Variants in BFSP1 observed in about 807,000 individuals in gnomAD.
BFSP1 encodes beaded filament structural protein 1, also known as filensin.
Under a neutral mutation model 43.9 loss-of-function variants are expected in BFSP1, and 38 were observed. That is an observed-to-expected ratio of 0.87 (90% CI 0.67 to 1.14). The LOEUF (loss-of-function observed/expected upper bound fraction) is 1.14, where lower values mean the gene tolerates loss of function less well. Ranked by LOEUF, BFSP1 falls within the 50% of genes most tolerant of loss-of-function variation. BFSP1 has a pLI of 0.00. For missense variants in BFSP1, 850 were observed against 875.1 expected (o/e 0.97, Z 0.36); for synonymous variants, 352 against 354.8 (o/e 0.99, Z 0.09).
At chr20:17,500,544 A>G (rs2033771680) in intron 5 of BFSP1, among the ~76,000 whole-genome samples, 1 of 152,266 alleles carries the variant, frequency 6.6e-6, no homozygotes, top group South Asian at 2.1e-4. Flanking sequence ...AGCACATGCA[A>G]TTATGTACAA....
At chr20:17,514,948 G>T (rs2034166094) in intron 2 of BFSP1, 132 bp from the exon 3 acceptor site, 1 of 755,042 alleles carries the variant, frequency 1.3e-6, no homozygotes, top group East Asian at 2.7e-5. Flanking sequence ...GGTCTGGGAG[G>T]GGTCTGAGAT....
In BFSP1 at chr20:17,514,704, C is replaced by T. The variant is rs2034159704; in HGVS notation, c.534+17G>A. 1 of 1,612,426 alleles carries T rather than the reference C, an allele frequency of 6.2e-7. No homozygotes were observed. Among genetic ancestry groups the T allele is most frequent in the Non-Finnish European group, 8.5e-7 (1 of 1,178,644 alleles). On this transcript the variant is annotated intron_variant, in intron 3 of 7. Coordinates refer to ENST00000377873, the MANE Select transcript of BFSP1 (RefSeq NM_001195.5). ...ACTGGGTTTTCTAGAGGAAGGGCTT[C>T]AAGGGGTCATGATTACCTTCTTGTG...
At chr20:17,562,248 C>CCGGGG (rs2122129105), upstream of BFSP1, among the ~76,000 whole-genome samples, 1 of 146,260 alleles carries the variant, frequency 6.8e-6, no homozygotes, top group African/African-American at 2.5e-5. Context: ...GAATCCCAGG[C>CCGGGG]CGGGAGCGAT....
At chr20:17,516,138 G>A (rs2034194769) in intron 2 of BFSP1, among the ~76,000 whole-genome samples, 2 of 152,144 alleles carry the variant, frequency 1.3e-5, no homozygotes, top group Admixed American at 1.3e-4. Context: ...AGACCAGCCT[G>A]ACCAACATGG....
chr20:17,520,419 G>C (rs908099766), intron 2 of BFSP1, among the ~76,000 whole-genome samples: 1 of 152,148 alleles, frequency 6.6e-6, no homozygotes, highest in Admixed American at 6.6e-5. Flanking sequence ...CCTATTCACA[G>C]GGATCCCAGA....
chr20:17,544,175 C>A (rs1016298431), intron 1 of BFSP1, among the ~76,000 whole-genome samples: 35 of 152,130 alleles, frequency 2.3e-4, no homozygotes, highest in Non-Finnish European at 4.3e-4. Context: ...CCACCATCAC[C>A]ATGGGGGCAA....
chr20:17,539,590 A>G (rs1045784742), intron 1 of BFSP1, among the ~76,000 whole-genome samples: 1 of 151,862 alleles, frequency 6.6e-6, no homozygotes, highest in Non-Finnish European at 1.5e-5. Flanking sequence ...CTATATATAA[A>G]AAATAATAAT....
upstream of BFSP1, chr20:17,559,100 C>T (rs77226906): frequency 2.1e-4 from 37 of 176,078 alleles, no homozygotes; most frequent in African/African-American, 7.1e-4. Context: ...CTCATTTACA[C>T]GTAAGGATGT....
chr20:17,510,163 C>T lies in BFSP1; in HGVS notation c.628-1167G>A, dbSNP rs1048528915. 7.0e-4 allele frequency among the ~76,000 whole-genome samples: 107 copies of T among 152,308 alleles called. 1 individual carries two copies. The highest frequency in any genetic ancestry group is 2.3e-3 in the African/African-American group (95 of 41,566). On this transcript the variant is annotated intron_variant, in intron 4 of 7. Transcript: ENST00000377873. ...TCCTGAGCATGCACACGAGTCCCTGCGGATCTGGCTAAGATGCAGATTCTG... is the reference window on the plus strand; with the variant it reads ...TCCTGAGCATGCACACGAGTCCCTGTGGATCTGGCTAAGATGCAGATTCTG...
At chr20:17,521,216 G>A (rs1033944444) in intron 2 of BFSP1, among the ~76,000 whole-genome samples, 5 of 152,188 alleles carry the variant, frequency 3.3e-5, no homozygotes, top group African/African-American at 1.2e-4. Flanking sequence ...TTTGGCCATA[G>A]GTTGTAGGTA....
chr20:17,518,536 G>A (rs540926055), intron 2 of BFSP1, among the ~76,000 whole-genome samples: 5 of 152,166 alleles, frequency 3.3e-5, no homozygotes, highest in Non-Finnish European at 7.4e-5. Context: ...CCTTCCTACC[G>A]CAGGGGAAGT....
chr20:17,548,320 A>C (rs1039322727), intron 1 of BFSP1, among the ~76,000 whole-genome samples: 1 of 152,194 alleles, frequency 6.6e-6, no homozygotes, highest in African/African-American at 2.4e-5. Context: ...TTTATTTACA[A>C]AATAAGTTTT....
chr20:17,523,833 T>G (rs372372376), intron 2 of BFSP1, among the ~76,000 whole-genome samples: 15 of 151,928 alleles, frequency 9.9e-5, no homozygotes, highest in East Asian at 9.7e-4. Flanking sequence ...TAGTTCTGAT[T>G]TTCCCCTCAA....
chr20:17,520,751 C>T (rs1330241585), intron 2 of BFSP1, among the ~76,000 whole-genome samples: 1 of 152,196 alleles, frequency 6.6e-6, no homozygotes, highest in Non-Finnish European at 1.5e-5. Context: ...AGTTTCCTCT[C>T]CTTCTCTTCT....
At chr20:17,551,700 A>C (rs553827558) in intron 1 of BFSP1, among the ~76,000 whole-genome samples, 8 of 152,262 alleles carry the variant, frequency 5.3e-5, no homozygotes, top group Non-Finnish European at 8.8e-5. Flanking sequence ...AAATAAAATA[A>C]GGCTGGGTGT....
chr20:17,559,634 T>C (rs532852274), upstream of BFSP1, among the ~76,000 whole-genome samples: 104 of 152,304 alleles, frequency 6.8e-4, no homozygotes, highest in Middle Eastern at 3.4e-3. Flanking sequence ...CGAGTGAGCA[T>C]GACCACCTGA....
chr20:17,556,715 T>A (rs1272507900), intron 1 of BFSP1, among the ~76,000 whole-genome samples: 1 of 143,336 alleles, frequency 7.0e-6, no homozygotes, highest in African/African-American at 2.5e-5. Flanking sequence ...TACCCAGAGT[T>A]TTTTTTTTAA....
chr20:17,552,919 A>G (rs559556216), intron 1 of BFSP1, among the ~76,000 whole-genome samples: 1 of 152,350 alleles, frequency 6.6e-6, no homozygotes, highest in African/African-American at 2.4e-5. Flanking sequence ...ATCTGGAGAG[A>G]GGTCAAGGAC....
intron 1 of BFSP1, among the ~76,000 whole-genome samples, chr20:17,550,170 GT>G (rs895820284): frequency 9.2e-5 from 14 of 152,170 alleles, no homozygotes; most frequent in Non-Finnish European, 1.3e-4. Flanking sequence ...CCAAGAGGGG[GT>G]TCTTGGACTT....
Sources: allele counts gnomAD v4.1 joint callset (sites outside exome capture counted in the v4.1 genomes callset), GRCh38; gene constraint gnomAD v4.1.1; transcripts MANE v1.5; gene names NCBI Gene and HGNC (gene_info 2026-07-23, HGNC 2026-07-21).